LYN: variants seen among roughly 807,000 people sequenced by gnomAD.
LYN encodes the protein LYN proto-oncogene, Src family tyrosine kinase, also known as tyrosine-protein kinase Lyn.
A neutral mutation model predicts 65.0 loss-of-function variants in LYN; 12 were observed. The ratio of observed to expected loss-of-function variants is 0.18; its 90% CI spans 0.12 to 0.30. The LOEUF is 0.30. Among genes scored for constraint, LYN ranks in the 10% least tolerant of loss-of-function variants. The pLI is 1.00. For missense variants in LYN, 380 were observed against 623.2 expected, an observed-to-expected ratio of 0.61 and a Z score of 4.16; for synonymous variants, 222 against 221.2, an observed-to-expected ratio of 1.00 and a Z score of -0.03.
chr8:55,976,037 G>GA (rs1807742106), intron 10 of LYN, among the ~76,000 whole-genome samples: 1 of 152,076 alleles, frequency 6.6e-6, no homozygotes, highest in Non-Finnish European at 1.5e-5. Context: ...GAGTGCTACC[G>GA]TAAGTCACAA....
chr8:55,896,735 C>T (rs1003467494), intron 1 of LYN, among the ~76,000 whole-genome samples: 6 of 151,910 alleles, frequency 3.9e-5, no homozygotes, highest in African/African-American at 9.7e-5. Flanking sequence ...AAGCTCCTCA[C>T]GTTTATTTAT....
intron 8 of LYN, among the ~76,000 whole-genome samples, chr8:55,963,899 A>T (rs1165497808): frequency 6.6e-6 from 1 of 152,178 alleles, no homozygotes; most frequent in African/African-American, 2.4e-5. Flanking sequence ...CATGTAACTT[A>T]GGGTTAGAGT....
At chr8:55,924,717 C>G (rs973186837) in intron 1 of LYN, among the ~76,000 whole-genome samples, 1 of 152,126 alleles carries the variant, frequency 6.6e-6, no homozygotes, top group African/African-American at 2.4e-5. Context: ...TCCATTTCCT[C>G]TTTTTCACCT....
At chr8:55,880,139 G>A in intron 1 of LYN, 36 bp downstream of exon 1, 1 of 233,566 alleles carries the variant, frequency 4.3e-6, no homozygotes, top group South Asian at 4.2e-5. Flanking sequence ...GTGGGCGCGG[G>A]CACGCGGGCA....
At chr8:55,983,269 C>T (rs1395333249) in intron 10 of LYN, among the ~76,000 whole-genome samples, 2 of 152,164 alleles carry the variant, frequency 1.3e-5, no homozygotes, top group Non-Finnish European at 1.5e-5. Context: ...TGTGGATTCC[C>T]TGCTGTCTCT....
chr8:55,971,029 C>T lies in LYN; in HGVS notation c.1050+1236C>T, dbSNP rs192748925. Among the ~76,000 whole-genome samples the T allele has an allele frequency of 3.9e-3, 590 of 152,346 alleles. 1 individual carries two copies. The highest frequency in any genetic ancestry group is 8.5e-3 in the Admixed American group (130 of 15,308). Reference sequence around the variant, plus strand: ...CCAAGGGAGGGCAATGCCCATCCTTCCAGTAAAGGTGTGTGATGGGTGAGT... The same window carrying T: ...CCAAGGGAGGGCAATGCCCATCCTTTCAGTAAAGGTGTGTGATGGGTGAGT... On this transcript the variant is annotated intron_variant, in intron 10 of 12. Transcript: ENST00000519728.
At chr8:55,888,244 C>T (rs1014570709) in intron 1 of LYN, among the ~76,000 whole-genome samples, 1 of 152,138 alleles carries the variant, frequency 6.6e-6, no homozygotes, top group African/African-American at 2.4e-5. Flanking sequence ...GCCACACACC[C>T]TGGAAGAAGG....
chr8:55,995,218 G>C (rs1325754745), intron 10 of LYN, among the ~76,000 whole-genome samples: 4 of 152,150 alleles, frequency 2.6e-5, no homozygotes, highest in African/African-American at 9.6e-5. Flanking sequence ...GCTTCCTAGA[G>C]AAAGTCAGAC....
At chr8:55,930,759 T>G (rs1396587336) in intron 1 of LYN, among the ~76,000 whole-genome samples, 1 of 152,196 alleles carries the variant, frequency 6.6e-6, no homozygotes, top group Admixed American at 6.6e-5. Flanking sequence ...TGGTCTTGCC[T>G]CTTCCTCCTC....
chr8:55,954,322 G>A (rs918076354), intron 8 of LYN, among the ~76,000 whole-genome samples: 2 of 152,112 alleles, frequency 1.3e-5, no homozygotes, highest in African/African-American at 2.4e-5. Flanking sequence ...TCCATCTCTG[G>A]GAAAGGTTAT....
chr8:55,913,238 T>C (rs1054437643), intron 1 of LYN, among the ~76,000 whole-genome samples: 3 of 152,198 alleles, frequency 2.0e-5, no homozygotes, highest in African/African-American at 7.2e-5. Context: ...GAAATATAAA[T>C]AGTTTTAAAG....
intron 10 of LYN, among the ~76,000 whole-genome samples, chr8:55,983,166 A>C (rs1019705661): frequency 6.6e-6 from 1 of 152,008 alleles, no homozygotes; most frequent in East Asian, 1.9e-4. Context: ...GAACCCCGAC[A>C]TGTGCCCAGT....
chr8:55,988,239 T>C (rs1214190183), intron 10 of LYN, among the ~76,000 whole-genome samples: 4 of 151,914 alleles, frequency 2.6e-5, no homozygotes, highest in African/African-American at 9.7e-5. Context: ...ACAAATGCTG[T>C]CATATTTGCA....
chr8:55,934,670 T>C (rs773091224), intron 1 of LYN, among the ~76,000 whole-genome samples: 11 of 152,106 alleles, frequency 7.2e-5, no homozygotes, highest in Non-Finnish European at 1.3e-4. Flanking sequence ...GCATGAGACA[T>C]GAAGAGAAGA....
intron 1 of LYN, among the ~76,000 whole-genome samples, chr8:55,899,542 C>T (rs1189773560): frequency 5.3e-5 from 8 of 152,206 alleles, no homozygotes; most frequent in Non-Finnish European, 1.5e-5. Context: ...ATTGAGTGCA[C>T]ACGGTATGTC....
intron 1 of LYN, among the ~76,000 whole-genome samples, chr8:55,922,204 C>T (rs1455872209): frequency 6.6e-6 from 1 of 152,210 alleles, no homozygotes; most frequent in Admixed American, 6.5e-5. Flanking sequence ...TCTCTCACCT[C>T]AGCCTCCTGA....
intron 1 of LYN, among the ~76,000 whole-genome samples, chr8:55,889,332 C>T (rs142489448): frequency 3.3e-4 from 50 of 152,296 alleles, no homozygotes; most frequent in African/African-American, 1.2e-3. Flanking sequence ...CCACTTCAGC[C>T]TCCAAGTAGC....
intron 10 of LYN, among the ~76,000 whole-genome samples, chr8:55,993,598 C>T (rs542226043): frequency 5.2e-4 from 79 of 152,158 alleles, no homozygotes; most frequent in Non-Finnish European, 9.7e-4. Flanking sequence ...TTCTCAAAGC[C>T]TCATTTGCAT....
Position 56,012,888 on chromosome 8 carries a change from T to C in LYN, c.*2778T>C, listed in dbSNP as rs1808855831. On this transcript the variant is annotated 3_prime_UTR_variant, in exon 13 of 13. Transcript: ENST00000519728. The stretch of plus-strand genomic sequence containing the variant: ...AAGAGAAGGAAGGAGGAAAAAAACG[T>C]GCCTTCCTTCCTGGTGAACATGAAG... 1 of 152,198 alleles carries C rather than the reference T, an allele frequency of 6.6e-6. No homozygotes were observed. Among genetic ancestry groups the C allele is most frequent in the Non-Finnish European group, 1.5e-5 (1 of 68,044 alleles). The allele number at this position is 152,198 out of a possible 1,614,324, so 9.4% of individuals were successfully genotyped here. A position where few individuals can be genotyped will look rare whatever the true frequency, so the allele number is the denominator to read the frequency against.
Sources: gnomAD v4.1 joint callset for allele counts (sites outside exome capture counted in the v4.1 genomes callset) on GRCh38, gnomAD v4.1.1 for gene constraint, MANE v1.5 for transcripts, NCBI Gene and HGNC (gene_info 2026-07-23, HGNC 2026-07-21) for gene names.